The following PHF24 variants were observed in gnomAD, a reference collection of about 807,000 sequenced individuals.
The protein encoded by PHF24 is Galpha inhibitory interacting protein.
In PHF24, 25 loss-of-function variants were observed where a neutral mutation model predicts 42.6. The ratio of observed to expected loss-of-function variants is 0.59; its 90% CI spans 0.43 to 0.82. PHF24 has a LOEUF of 0.82. Among genes scored for constraint, PHF24 ranks in the 40% least tolerant of loss-of-function variants. The pLI is 0.00. For synonymous variants in PHF24, 185 were observed against 204.8 expected (o/e 0.90, Z 0.83); for missense variants, 470 against 538.1 (o/e 0.87, Z 1.25).
the PHF24 span, among the ~76,000 whole-genome samples, chr9:34,774,310 C>T: frequency 6.6e-6 from 1 of 152,146 alleles, no homozygotes; most frequent in Admixed American, 6.5e-5. Context: ...GAAAAGTCAA[C>T]CCACAGAATG....
the PHF24 span, among the ~76,000 whole-genome samples, chr9:34,730,576 C>A: frequency 6.6e-6 from 1 of 152,216 alleles, no homozygotes; most frequent in African/African-American, 2.4e-5. Flanking sequence ...TGGCTTTCTG[C>A]TTTCAAGATA....
the PHF24 span, among the ~76,000 whole-genome samples, chr9:34,839,555 G>A: frequency 6.6e-6 from 1 of 152,090 alleles, no homozygotes; most frequent in Admixed American, 6.6e-5. Flanking sequence ...AGAAGGTGTT[G>A]CCCTGGTGAG....
chr9:34,724,315 G>A, the PHF24 span: 3 of 1,551,376 alleles, frequency 1.9e-6, no homozygotes, highest in South Asian at 1.2e-5. Flanking sequence ...ATTGCTTTTG[G>A]TTCTGCTGCA....
chr9:34,776,831 C>G, the PHF24 span, among the ~76,000 whole-genome samples: 1 of 140,466 alleles, frequency 7.1e-6, no homozygotes, highest in Admixed American at 7.1e-5. Flanking sequence ...TGGGACAACA[C>G]AATTGGTCCC....
chr9:34,875,238 T>C, the PHF24 span, among the ~76,000 whole-genome samples: 1 of 152,216 alleles, frequency 6.6e-6, no homozygotes, highest in Admixed American at 6.5e-5. Flanking sequence ...AATTCTGTTC[T>C]TGCATCACTG....
chr9:34,970,923 G>C (rs1230965408), intron 1 of PHF24, among the ~76,000 whole-genome samples: 1 of 152,048 alleles, frequency 6.6e-6, no homozygotes, highest in Non-Finnish European at 1.5e-5. Context: ...TCATTCCATA[G>C]ATGGGAAAAC....
At chr9:34,755,547 GATCA>G in the PHF24 span, among the ~76,000 whole-genome samples, 1 of 151,962 alleles carries the variant, frequency 6.6e-6, no homozygotes, top group Admixed American at 6.6e-5. Flanking sequence ...TGTCTGTTCA[GATCA>G]TTTGCTCATT....
intron 1 of PHF24, among the ~76,000 whole-genome samples, chr9:34,964,243 T>A (rs1324375770): frequency 6.6e-6 from 1 of 152,144 alleles, no homozygotes; most frequent in Non-Finnish European, 1.5e-5. Context: ...TTTACTTGCT[T>A]GTGAGCCTTT....
the PHF24 span, among the ~76,000 whole-genome samples, chr9:34,916,444 C>T: frequency 1.3e-3 from 196 of 152,166 alleles, 2 homozygotes; most frequent in African/African-American, 4.3e-3. Flanking sequence ...TGAGTGATAC[C>T]GCCACCCTCT....
At chr9:34,895,842 G>C in the PHF24 span, 1 of 396,946 alleles carries the variant, frequency 2.5e-6, no homozygotes, top group Admixed American at 4.4e-5. Flanking sequence ...TCACCAGACT[G>C]CATCACAAAG....
chr9:34,854,384 T>A, the PHF24 span, among the ~76,000 whole-genome samples: 1 of 152,130 alleles, frequency 6.6e-6, no homozygotes. Flanking sequence ...TGATTTGAGA[T>A]CTTTCTAGCT....
chr9:34,939,185 C>G, the PHF24 span, among the ~76,000 whole-genome samples: 36 of 152,076 alleles, frequency 2.4e-4, no homozygotes, highest in African/African-American at 7.7e-4. Context: ...GAGGCTGAGA[C>G]AGAGAATTGC....
chr9:34,863,972 T>C, the PHF24 span, among the ~76,000 whole-genome samples: 4 of 152,276 alleles, frequency 2.6e-5, no homozygotes, highest in African/African-American at 7.2e-5. Flanking sequence ...AAGAATCAAG[T>C]AGAAACTCTG....
At chr9:34,905,525 G>GTATA in the PHF24 span, among the ~76,000 whole-genome samples, 1 of 152,174 alleles carries the variant, frequency 6.6e-6, no homozygotes, top group Admixed American at 6.5e-5. Context: ...AGAGTATGTG[G>GTATA]TATATAATCT....
chr9:34,931,318 G>A, the PHF24 span, among the ~76,000 whole-genome samples: 1 of 144,876 alleles, frequency 6.9e-6, no homozygotes, highest in Admixed American at 7.2e-5. Flanking sequence ...GGAGCTTGCA[G>A]TGAGCCGAGA....
the PHF24 span, among the ~76,000 whole-genome samples, chr9:34,812,384 G>A: frequency 6.4e-3 from 974 of 152,256 alleles, 8 homozygotes; most frequent in Middle Eastern, 0.037. Flanking sequence ...ACATTTCGTG[G>A]TTCTTCAAAA....
At chr9:34,894,891 A>G in the PHF24 span, 2 of 396,560 alleles carry the variant, frequency 5.0e-6, no homozygotes, top group Admixed American at 4.4e-5. Context: ...CACCCAAGGA[A>G]GTCTTCCATG....
At chr9:34,955,050 G>T (rs1284109352), upstream of PHF24, among the ~76,000 whole-genome samples, 1 of 152,194 alleles carries the variant, frequency 6.6e-6, no homozygotes, top group Admixed American at 6.5e-5. Flanking sequence ...CTTCGCTGCT[G>T]GAGGTGAAAG....
chr9:34,867,916 A>G, the PHF24 span, among the ~76,000 whole-genome samples: 113,552 of 152,062 alleles, frequency 0.75, 42,674 homozygotes, highest in East Asian at 0.87. Flanking sequence ...GACAGAGGAT[A>G]TGCATTTTCA....
Sources: gnomAD v4.1 joint callset for allele counts (sites outside exome capture counted in the v4.1 genomes callset) on GRCh38, gnomAD v4.1.1 for gene constraint, MANE v1.5 for transcripts, NCBI Gene and HGNC (gene_info 2026-07-23, HGNC 2026-07-21) for gene names.